Variants in STX1A observed in about 807,000 individuals in gnomAD.
STX1A encodes syntaxin-1A.
Under a neutral mutation model 37.8 loss-of-function variants are expected in STX1A, and 4 were observed. That is an observed-to-expected ratio of 0.11 (90% CI 0.05 to 0.24). STX1A has a LOEUF of 0.24. STX1A is among the 10% of genes least tolerant of loss of function. The probability of loss-of-function intolerance (pLI) is 1.00; values close to 1 mark genes in which losing one functional copy is unlikely to be tolerated. For missense variants in STX1A, 251 were observed against 399.9 expected, an observed-to-expected ratio of 0.63 and a Z score of 3.18; for synonymous variants, 135 against 147.4, an observed-to-expected ratio of 0.92 and a Z score of 0.61.
chr7:73,710,933 G>A (rs941298), intron 1 of STX1A, among the ~76,000 whole-genome samples: 42,117 of 152,094 alleles, frequency 0.28, 6,560 homozygotes, highest in South Asian at 0.36. Flanking sequence ...GCTGCATGGA[G>A]GGAGGGCTGA....
At chr7:73,718,620 C>G (rs1012678117) in intron 1 of STX1A, among the ~76,000 whole-genome samples, 6 of 151,970 alleles carry the variant, frequency 3.9e-5, no homozygotes, top group Non-Finnish European at 8.8e-5. Context: ...GATCCACCCC[C>G]CCTCCCCGAC....
chr7:73,700,723 T>C lies in STX1A; in HGVS notation c.789+7A>G. On this transcript the variant is annotated splice_region_variant and intron_variant, in intron 9 of 9. Coordinates refer to ENST00000222812, the MANE Select transcript of STX1A (RefSeq NM_004603.4). The surrounding 1 kb of genome is among the most constrained non-coding windows in gnomAD (Gnocchi z 4.4). ...GGCATGGCCTTGGGCAGGGCTGGGCTACTGACCCGGCGCGCCTTGCTCTGG... is the reference window on the plus strand; with the variant it reads ...GGCATGGCCTTGGGCAGGGCTGGGCCACTGACCCGGCGCGCCTTGCTCTGG... 2 of 1,613,480 alleles carry C rather than the reference T, an allele frequency of 1.2e-6. No homozygotes were observed. Among genetic ancestry groups the C allele is most frequent in the Non-Finnish European group, 1.7e-6 (2 of 1,179,914 alleles).
At chr7:73,711,398 C>T (rs1799097625) in intron 1 of STX1A, 1 of 153,760 alleles carries the variant, frequency 6.5e-6, no homozygotes, top group African/African-American at 2.4e-5. Context: ...ATAGAGGCGG[C>T]TCAGAGGGGC....
chr7:73,702,702 G>T lies in STX1A; in HGVS notation c.678+143C>A. 1 of 1,520,304 alleles carries T rather than the reference G, an allele frequency of 6.6e-7. No individual in the cohort carries two copies. Among genetic ancestry groups the T allele is most frequent in the African/African-American group, 1.4e-5 (1 of 73,308 alleles). 94.2% of individuals were successfully genotyped at this position (1,520,304 alleles called of 1,614,324 possible). On this transcript the variant is annotated intron_variant, in intron 8 of 9. Coordinates refer to ENST00000222812, the MANE Select transcript of STX1A (RefSeq NM_004603.4). The surrounding 1 kb of genome is among the most constrained non-coding windows in gnomAD (Gnocchi z 4.7). ...CCTTCGGGTCGGCAGGGCCCTGGCG[G>T]CAGTTTCAACAGCGGGTGATTGGTT...
At chr7:73,703,096 T>G in intron 7 of STX1A, 114 bp from the exon 8 acceptor site, 2 of 898,810 alleles carry the variant, frequency 2.2e-6, no homozygotes, top group East Asian at 2.6e-5. Context: ...GGCCTGAGGC[T>G]TCCTCCCAAG....
intron 1 of STX1A, among the ~76,000 whole-genome samples, chr7:73,714,847 C>T (rs1554618486): frequency 2.6e-5 from 4 of 151,834 alleles, no homozygotes; most frequent in South Asian, 4.2e-4. Flanking sequence ...TAGGGGTAGC[C>T]GGGTGCAGTG....
At position 73,700,314 on chromosome 7, in the gene STX1A, G is replaced by A; in HGVS notation, c.*93C>T. On this transcript the variant is annotated 3_prime_UTR_variant, in exon 10 of 10. Coordinates refer to ENST00000222812, the MANE Select transcript of STX1A (RefSeq NM_004603.4). The surrounding 1 kb of genome is among the most constrained non-coding windows in gnomAD (Gnocchi z 4.4). ...GGGAGGGAGGGTGCTCTGAGCCAGA[G>A]GCGGGGGTTGGGAGGGCAGCCCAGC... is the stretch of plus-strand genomic sequence containing the variant. The A allele has an allele frequency of 7.8e-7, 1 of 1,275,016 alleles. No individual in the cohort carries two copies. Among genetic ancestry groups the A allele is most frequent in the Non-Finnish European group, 1.1e-6 (1 of 882,360 alleles). The allele number at this position is 1,275,016 out of a possible 1,614,324, so 79.0% of individuals were successfully genotyped here.
At position 73,708,582 on chromosome 7, in the gene STX1A, C is replaced by T. The variant is rs782637695; in HGVS notation, c.208+7G>A. 7.4e-6 allele frequency: 12 copies of T among 1,612,972 alleles called. No individual in the cohort carries two copies. Among genetic ancestry groups the T allele is most frequent in the Middle Eastern group, 1.6e-4 (1 of 6,084 alleles). On this transcript the variant is annotated splice_region_variant and intron_variant, in intron 3 of 9. Coordinates refer to ENST00000222812, the MANE Select transcript of STX1A (RefSeq NM_004603.4). Reference sequence around the variant, plus strand: ...CCTGAAACCCGTCCCCCGCCCCACACACTCACTCTCATCGGGGTTGGGGGA... The same window carrying T: ...CCTGAAACCCGTCCCCCGCCCCACATACTCACTCTCATCGGGGTTGGGGGA...
In STX1A at chr7:73,719,598, T is replaced by A; in HGVS notation, c.30+4A>T. On this transcript the variant is annotated splice_donor_region_variant and intron_variant, in intron 1 of 9. Coordinates refer to ENST00000222812, the MANE Select transcript of STX1A (RefSeq NM_004603.4). ...GGGCGGCCGCGCGCTGGGGCCGGACTCACCGTGCGGAGCTCCTGGGTTCGG... is the reference window on the plus strand; with the variant it reads ...GGGCGGCCGCGCGCTGGGGCCGGACACACCGTGCGGAGCTCCTGGGTTCGG... 1 of 1,207,414 alleles carries A rather than the reference T, an allele frequency of 8.3e-7. No homozygotes were observed. 74.8% of individuals were successfully genotyped at this position (1,207,414 alleles called of 1,614,324 possible).
Position 73,702,718 on chromosome 7 carries a change from G to A in STX1A, c.678+127C>T. The A allele has an allele frequency of 1.9e-6, 3 of 1,552,486 alleles. No homozygotes were observed. The highest frequency in any genetic ancestry group is 2.6e-6 in the Non-Finnish European group (3 of 1,145,882). ...GCCCTGGCGGCAGTTTCAACAGCGGGTGATTGGTTACCTGAGAACTTGGTC... is the reference window on the plus strand; with the variant it reads ...GCCCTGGCGGCAGTTTCAACAGCGGATGATTGGTTACCTGAGAACTTGGTC... On this transcript the variant is annotated intron_variant, in intron 8 of 9. Transcript: ENST00000222812. This position sits in a 1 kb window ranked among gnomAD's most constrained non-coding sequence, Gnocchi z 4.7.
At chr7:73,711,055 C>G (rs1367877933) in intron 1 of STX1A, among the ~76,000 whole-genome samples, 2 of 152,156 alleles carry the variant, frequency 1.3e-5, no homozygotes, top group Non-Finnish European at 2.9e-5. Context: ...GTGGCACAAT[C>G]ATAACTCCCT....
At chr7:73,716,301 T>C (rs1799288103) in intron 1 of STX1A, among the ~76,000 whole-genome samples, 1 of 152,216 alleles carries the variant, frequency 6.6e-6, no homozygotes, top group Admixed American at 6.5e-5. Context: ...GATGAGGAAA[T>C]GAGCAGAGGG....
intron 1 of STX1A, among the ~76,000 whole-genome samples, chr7:73,713,327 CCT>C (rs767549731): frequency 6.6e-6 from 1 of 152,188 alleles, no homozygotes; most frequent in Non-Finnish European, 1.5e-5. Context: ...ACCCTCACCT[CCT>C]CTGTTTCCCA....
intron 7 of STX1A, chr7:73,703,439 T>G: frequency 1.6e-6 from 1 of 616,326 alleles, no homozygotes; most frequent in Non-Finnish European, 3.0e-6. Flanking sequence ...CTGCCCGGCT[T>G]CACGTGAACA....
At chr7:73,704,686 T>A in intron 4 of STX1A, 1 of 560,412 alleles carries the variant, frequency 1.8e-6, no homozygotes, top group Non-Finnish European at 3.2e-6. Flanking sequence ...CCGGCCACCC[T>A]ATGCCTGGGT....
rs543798565 is a variant in STX1A at position 73,719,448 on chromosome 7, G to C, written c.30+154C>G. On this transcript the variant is annotated intron_variant, in intron 1 of 9. Coordinates refer to ENST00000222812, the MANE Select transcript of STX1A (RefSeq NM_004603.4). Reference sequence around the variant, plus strand: ...GGGTCCGAGGGGCGGAACCCGGAGGGGGGTCGAGGTCCCTGGCTCGCCCCG... The same window carrying C: ...GGGTCCGAGGGGCGGAACCCGGAGGCGGGTCGAGGTCCCTGGCTCGCCCCG... Among the ~76,000 whole-genome samples the C allele has an allele frequency of 1.7e-4, 26 of 152,230 alleles. No homozygotes were observed. In the South Asian group the frequency reaches 5.0e-3, roughly 29 times the overall value.
Position 73,704,232 on chromosome 7 carries a change from C to G in STX1A, c.382G>C (p.Val128Leu). 1 of 1,614,008 alleles carries G rather than the reference C, an allele frequency of 6.2e-7. No individual in the cohort carries two copies. The highest frequency in any genetic ancestry group is 8.5e-7 in the Non-Finnish European group (1 of 1,180,018). The change falls in exon 6 of 10, where the codon GTG becomes CTG. Residue 128 changes from valine to leucine, a missense_variant. Transcript: ENST00000222812. ...TQHSTLSRKF[V>L]EVMSEYNATQ... is the part of the protein sequence containing the mutation. ...GCGTTGTACTCCGACATGACCTCCA[C>G]AAACTTTCTGGACAGCGTGGAGTGC... is the stretch of plus-strand genomic sequence containing the variant.
At chr7:73,713,845 G>T (rs572124020) in intron 1 of STX1A, among the ~76,000 whole-genome samples, 1 of 152,228 alleles carries the variant, frequency 6.6e-6, no homozygotes, top group African/African-American at 2.4e-5. Context: ...GGCTGGATTG[G>T]AGTTGGGGAC....
chr7:73,718,569 G>A (rs1369470816), intron 1 of STX1A, among the ~76,000 whole-genome samples: 1 of 151,996 alleles, frequency 6.6e-6, no homozygotes, highest in African/African-American at 2.4e-5. Flanking sequence ...CCAGCCAGGG[G>A]ACCAGATGAC....
Sources: gnomAD v4.1 joint callset for allele counts (sites outside exome capture counted in the v4.1 genomes callset) on GRCh38, gnomAD v4.1.1 for gene constraint, Gnocchi (gnomAD v3.1) non-coding constraint, MANE v1.5 for transcripts, NCBI Gene and HGNC (gene_info 2026-07-23, HGNC 2026-07-21) for gene names.